Variants in NAPSA observed in about 807,000 individuals in gnomAD.
NAPSA encodes napsin A aspartic peptidase.
Under a neutral mutation model 36.7 loss-of-function variants are expected in NAPSA, and 37 were observed. The ratio of observed to expected loss-of-function variants is 1.01; its 90% CI spans 0.78 to 1.33. The LOEUF (loss-of-function observed/expected upper bound fraction) is 1.33, where lower values mean the gene tolerates loss of function less well. Ranked by LOEUF, NAPSA falls within the 40% of genes most tolerant of loss-of-function variation. The pLI is 0.00. For missense variants in NAPSA, 532 were observed against 543.8 expected (o/e 0.98, Z 0.21); for synonymous variants, 222 against 234.5 (o/e 0.95, Z 0.49).
rs113709857 is a variant in NAPSA, at chr19:50,360,987, C to G, written c.622G>C (p.Glu208Gln). The G allele has an allele frequency of 1.2e-6, 2 of 1,614,146 alleles. No individual in the cohort carries two copies. The highest frequency in any genetic ancestry group is 1.3e-5 in the African/African-American group (1 of 75,028). ...GVRPPMDVLVEQGLLDKPVFS... is the reference protein window; with the variant it reads ...GVRPPMDVLVQQGLLDKPVFS... ...ACAGGCTTATCCAATAGCCCCTGCTCCACCAGTACATCCATCGGGGGCCGA... is the reference window on the plus strand; with the variant it reads ...ACAGGCTTATCCAATAGCCCCTGCTGCACCAGTACATCCATCGGGGGCCGA... The change falls in exon 5 of 9, where the codon GAG becomes CAG. Residue 208 changes from glutamate to glutamine, a missense_variant. Transcript: ENST00000253719.
At position 50,362,327 on chromosome 19, in the gene NAPSA, G is replaced by C; in HGVS notation, c.84-14C>G. The C allele has an allele frequency of 6.3e-7, 1 of 1,581,744 alleles. No homozygotes were observed. The highest frequency in any genetic ancestry group is 1.7e-4 in the Middle Eastern group (1 of 5,920). On this transcript the variant is annotated splice_polypyrimidine_tract_variant and intron_variant, in intron 1 of 8. Coordinates refer to ENST00000253719, the MANE Select transcript of NAPSA (RefSeq NM_004851.3). Reference sequence around the variant, plus strand: ...TGAAGAGGGATGCTGTAGGGAAAGAGGATATTGACAGGAAGCTGCCCTTCT... The same window carrying C: ...TGAAGAGGGATGCTGTAGGGAAAGACGATATTGACAGGAAGCTGCCCTTCT...
upstream of NAPSA, chr19:50,365,905 C>T: frequency 3.2e-6 from 1 of 308,412 alleles, no homozygotes; most frequent in African/African-American, 2.1e-5. Context: ...ACCCCCCCAT[C>T]CTTCAGCTGC....
Position 50,358,586 on chromosome 19 carries a change from C to T in NAPSA, c.1230G>A (p.Trp410Ter), listed in dbSNP as rs1460623482. The T allele has an allele frequency of 4.3e-6, 7 of 1,610,090 alleles. No homozygotes were observed. Among genetic ancestry groups the T allele is most frequent in the East Asian group, 4.5e-5 (2 of 44,722 alleles). Residue 410 changes from tryptophan to a stop codon, truncating the protein, a stop_gained, in exon 9 of 9, where the codon TGG (tryptophan) becomes TGA (stop). Coordinates refer to ENST00000253719, the MANE Select transcript of NAPSA (RefSeq NM_004851.3). LOFTEE classifies it low-confidence loss of function (END_TRUNC). ...GGAACTGCGCCTGCGCAGTCTCTCC[C>T]CATCCGAGGTCCGCTCCGCGAGTGC... ...RARTRGADLG[W>*]GETAQAQFPG
intron 5 of NAPSA, among the ~76,000 whole-genome samples, 161 bp from the exon 6 acceptor site, chr19:50,360,023 G>A (rs73932468): frequency 0.012 from 1,837 of 152,256 alleles, 43 homozygotes; most frequent in African/African-American, 0.041. Context: ...ACTGGAAGCC[G>A]GGCAAGAAAA....
upstream of NAPSA, among the ~76,000 whole-genome samples, chr19:50,367,932 C>T (rs928303881): frequency 3.3e-5 from 5 of 151,500 alleles, no homozygotes; most frequent in Non-Finnish European, 5.9e-5. Context: ...CTGAGGCAGG[C>T]GGATCACTTG....
In NAPSA at chr19:50,361,068, C is replaced by CAA. The variant is rs1396025798; in HGVS notation, c.539_540dup (p.Ala181LeufsTer86). On this transcript the variant is annotated frameshift_variant, in exon 5 of 9. Coordinates refer to ENST00000253719, the MANE Select transcript of NAPSA (RefSeq NM_004851.3). LOFTEE classifies it high-confidence loss of function. ...AGGCCCAATATCCCATCAAAATGGGCAAAAGCGAAGACCAGGCTGGGCTCC... is the reference window on the plus strand; with the variant it reads ...AGGCCCAATATCCCATCAAAATGGGCAAAAAAGCGAAGACCAGGCTGGGCTCC... 6.2e-7 allele frequency: 1 copy of CAA among 1,614,014 alleles called. No individual in the cohort carries two copies. The highest frequency in any genetic ancestry group is 1.3e-5 in the African/African-American group (1 of 74,896).
At chr19:50,363,418 T>TTTCAAATACTG (rs2037502460) in intron 1 of NAPSA, among the ~76,000 whole-genome samples, 1 of 152,146 alleles carries the variant, frequency 6.6e-6, no homozygotes, top group African/African-American at 2.4e-5. Context: ...TCTCCCTCTG[T>TTTCAAATACTG]CACCCAGGCT....
intron 8 of NAPSA, 100 bp from the exon 9 acceptor site, chr19:50,358,880 C>T (rs887742110): frequency 7.5e-6 from 10 of 1,333,642 alleles, no homozygotes; most frequent in African/African-American, 1.5e-5. Context: ...CTTTGATGTT[C>T]GCCAACAAAC....
In NAPSA at chr19:50,361,793, G is replaced by A. The variant is rs1182158401; in HGVS notation, c.350-12C>T. ...TCGGTGGTGTAACCCTAGGTTAGAG[G>A]TCAGAAAGGTGTCATGGGGGAGGGA... On this transcript the variant is annotated splice_polypyrimidine_tract_variant and intron_variant, in intron 3 of 8. Coordinates refer to ENST00000253719, the MANE Select transcript of NAPSA (RefSeq NM_004851.3). 1 of 1,612,442 alleles carries A rather than the reference G, an allele frequency of 6.2e-7. No homozygotes were observed. Among genetic ancestry groups the A allele is most frequent in the Admixed American group, 1.7e-5 (1 of 60,014 alleles).
upstream of NAPSA, among the ~76,000 whole-genome samples, chr19:50,368,586 G>A (rs887820283): frequency 1.3e-5 from 2 of 152,120 alleles, no homozygotes; most frequent in South Asian, 4.1e-4. Context: ...ACGTGTCCCT[G>A]ATAACTGTCA....
At position 50,358,583 on chromosome 19, in the gene NAPSA, TC is replaced by T. The variant is rs1303106340; in HGVS notation, c.1232del (p.Gly411GlufsTer36). 2.5e-6 allele frequency: 4 copies of T among 1,609,594 alleles called. No individual in the cohort carries two copies. The highest frequency in any genetic ancestry group is 1.7e-5 in the Admixed American group (1 of 59,548). ...CGGGGAACTGCGCCTGCGCAGTCTC[TC>T]CCCATCCGAGGTCCGCTCCGCGAGT... ...ARTRGADLGW[G>X]ETAQAQFPG On this transcript the variant is annotated frameshift_variant, in exon 9 of 9. Coordinates refer to ENST00000253719, the MANE Select transcript of NAPSA (RefSeq NM_004851.3). LOFTEE classifies it low-confidence loss of function (END_TRUNC).
upstream of NAPSA, chr19:50,365,799 A>G (rs1288719710): frequency 3.8e-6 from 2 of 532,590 alleles, no homozygotes; most frequent in African/African-American, 1.9e-5. Flanking sequence ...GTATTTTTGT[A>G]GGGTTGGCAG....
rs757893658 is a variant in NAPSA at position 50,358,794 on chromosome 19, AGAC to A, written c.1036-17_1036-15del. The A allele has an allele frequency of 7.5e-6, 12 of 1,597,702 alleles. No homozygotes were observed. Among genetic ancestry groups the A allele is most frequent in the Non-Finnish European group, 1.0e-5 (12 of 1,171,380 alleles). ...ATTTCGAGTAGTCTGCAAGGCAACA[AGAC>A]GACAACTGGGTGTCGCGGCCACAAG... On this transcript the variant is annotated splice_polypyrimidine_tract_variant and intron_variant, in intron 8 of 8. Transcript: ENST00000253719.
intron 6 of NAPSA, 22 bp from the exon 7 acceptor site, chr19:50,359,669 A>G: frequency 6.2e-7 from 1 of 1,614,240 alleles, no homozygotes; most frequent in South Asian, 1.1e-5. Flanking sequence ...GGAGGCAGTC[A>G]TCAGAGGCAG....
At chr19:50,368,035 G>A (rs1007594682), upstream of NAPSA, among the ~76,000 whole-genome samples, 1 of 151,838 alleles carries the variant, frequency 6.6e-6, no homozygotes. Flanking sequence ...GTCAGCGCCT[G>A]TAATCCCAGC....
At chr19:50,363,309 G>A (rs1568587226) in intron 1 of NAPSA, among the ~76,000 whole-genome samples, 2 of 152,196 alleles carry the variant, frequency 1.3e-5, no homozygotes, top group Non-Finnish European at 2.9e-5. Flanking sequence ...TGGGGGCGGG[G>A]AGGGGACATC....
At chr19:50,368,761 G>C (rs2037580115), upstream of NAPSA, among the ~76,000 whole-genome samples, 1 of 152,134 alleles carries the variant, frequency 6.6e-6, no homozygotes, top group African/African-American at 2.4e-5. Flanking sequence ...TGGAGGTGTG[G>C]GCCTGTTTTC....
chr19:50,368,991 A>G (rs2037583051), upstream of NAPSA, among the ~76,000 whole-genome samples: 2 of 152,152 alleles, frequency 1.3e-5, no homozygotes, highest in Admixed American at 6.5e-5. Flanking sequence ...GGCCCGGCCA[A>G]TGGGACCTGG....
rs749574007 is a variant in NAPSA at position 50,361,956 on chromosome 19, C to A, written c.349+13G>T. 2.5e-6 allele frequency: 4 copies of A among 1,591,346 alleles called. No homozygotes were observed. In the South Asian group the frequency reaches 4.5e-5, roughly 18 times the overall value. ...ACCCCCATTCAGCCTTATTCTCCCA[C>A]ATAGAAGCTCACAGCAGGGCACACT... On this transcript the variant is annotated intron_variant, in intron 3 of 8. Coordinates refer to ENST00000253719, the MANE Select transcript of NAPSA (RefSeq NM_004851.3).
Sources: allele counts gnomAD v4.1 joint callset (sites outside exome capture counted in the v4.1 genomes callset), GRCh38; gene constraint gnomAD v4.1.1; transcripts MANE v1.5; gene names NCBI Gene and HGNC (gene_info 2026-07-23, HGNC 2026-07-21).